The following CDH18 variants were observed in gnomAD, a reference collection of about 807,000 sequenced individuals.
CDH18 encodes cadherin 18.
A neutral mutation model predicts 67.9 loss-of-function variants in CDH18; 31 were observed. The observed-to-expected ratio is 0.46, with a 90% CI of 0.34 to 0.62. The LOEUF is 0.62. CDH18 is among the 20% of genes least tolerant of loss of function. The pLI is 0.01. For synonymous variants in CDH18, 362 were observed against 347.2 expected (o/e 1.04, Z -0.48); for missense variants, 890 against 975.5 (o/e 0.91, Z 1.17).
chr5:19,861,077 T>C (rs1296601293), intron 2 of CDH18, among the ~76,000 whole-genome samples: 16 of 152,184 alleles, frequency 1.1e-4, no homozygotes, highest in Admixed American at 9.8e-4. Flanking sequence ...AAACAAAGTA[T>C]ACTATCTTAC....
At chr5:20,322,818 GAA>G (rs1399558588) in intron 1 of CDH18, among the ~76,000 whole-genome samples, 1 of 152,108 alleles carries the variant, frequency 6.6e-6, no homozygotes, top group African/African-American at 2.4e-5. Flanking sequence ...TCTTCATAAA[GAA>G]ATGTGTTATG....
chr5:19,562,370 T>G (rs393094), intron 8 of CDH18, among the ~76,000 whole-genome samples: 2 of 152,054 alleles, frequency 1.3e-5, no homozygotes, highest in East Asian at 3.9e-4. Context: ...TTTGCTGTTA[T>G]AACATCCAAA....
chr5:20,358,202 A>G (rs1323182273), intron 1 of CDH18, among the ~76,000 whole-genome samples: 2 of 152,230 alleles, frequency 1.3e-5, no homozygotes, highest in Non-Finnish European at 2.9e-5. Context: ...CCTGTTGGGT[A>G]CTATGCCCAC....
chr5:20,444,388 A>T (rs1405415480), intron 1 of CDH18, among the ~76,000 whole-genome samples: 1 of 152,128 alleles, frequency 6.6e-6, no homozygotes, highest in East Asian at 1.9e-4. Flanking sequence ...ACTGAGTTAC[A>T]TGTTGGGTGT....
intron 2 of CDH18, among the ~76,000 whole-genome samples, chr5:20,095,572 G>A (rs1745911747): frequency 8.2e-6 from 1 of 121,880 alleles, no homozygotes; most frequent in African/African-American, 3.2e-5. Context: ...AGGAAAGAAA[G>A]GAAGAAAGGA....
At chr5:20,341,268 A>G (rs1011504987) in intron 1 of CDH18, among the ~76,000 whole-genome samples, 1 of 152,122 alleles carries the variant, frequency 6.6e-6, no homozygotes, top group African/African-American at 2.4e-5. Context: ...GGTGAGCACC[A>G]TCAAATCAGC....
At chr5:19,655,566 T>C (rs1756243248) in intron 5 of CDH18, among the ~76,000 whole-genome samples, 1 of 152,100 alleles carries the variant, frequency 6.6e-6, no homozygotes, top group Non-Finnish European at 1.5e-5. Flanking sequence ...CCTGTTGTCA[T>C]ATTTGTCAAT....
intron 2 of CDH18, among the ~76,000 whole-genome samples, chr5:19,958,038 A>G (rs1796422869): frequency 1.3e-5 from 2 of 152,040 alleles, no homozygotes; most frequent in Middle Eastern, 6.8e-3. Flanking sequence ...CAAATAAACT[A>G]CCATTTTCAC....
intron 6 of CDH18, among the ~76,000 whole-genome samples, chr5:19,606,959 C>T (rs1222943464): frequency 1.3e-5 from 2 of 151,474 alleles, no homozygotes; most frequent in African/African-American, 2.4e-5. Flanking sequence ...AACTATTGTA[C>T]AGTAAAGGAA....
At chr5:19,886,559 C>T (rs575316333) in intron 2 of CDH18, among the ~76,000 whole-genome samples, 1 of 152,050 alleles carries the variant, frequency 6.6e-6, no homozygotes, top group Non-Finnish European at 1.5e-5. Context: ...GCTGTGTTTC[C>T]TCGCAATCAA....
At chr5:20,418,487 C>T (rs930680046) in intron 1 of CDH18, among the ~76,000 whole-genome samples, 8 of 151,720 alleles carry the variant, frequency 5.3e-5, no homozygotes. Flanking sequence ...CACACTGTAA[C>T]CCTGCATACC....
At chr5:19,646,784 A>T (rs1754809954) in intron 5 of CDH18, among the ~76,000 whole-genome samples, 1 of 152,208 alleles carries the variant, frequency 6.6e-6, no homozygotes, top group African/African-American at 2.4e-5. Context: ...AGCAATGCTA[A>T]TACAGGGGAT....
intron 2 of CDH18, among the ~76,000 whole-genome samples, chr5:20,104,759 T>A (rs1016637968): frequency 2.6e-5 from 4 of 152,056 alleles, no homozygotes; most frequent in African/African-American, 9.7e-5. Context: ...AGATCTTTAT[T>A]CTAATGCTAC....
chr5:20,172,862 T>C (rs1256261917), intron 2 of CDH18, among the ~76,000 whole-genome samples: 2 of 151,630 alleles, frequency 1.3e-5, no homozygotes, highest in African/African-American at 4.8e-5. Context: ...TGGTGGCACA[T>C]GCCTGTAATC....
At chr5:20,172,202 A>ACGTATATG (rs372430630) in intron 2 of CDH18, among the ~76,000 whole-genome samples, 2 of 46,050 alleles carry the variant, frequency 4.3e-5, no homozygotes, top group African/African-American at 2.5e-4. Context: ...ATATATATAT[A>ACGTATATG]TATATATATA....
rs187153227 is a variant in CDH18, at chr5:20,128,749, C to T, written c.-518+126695G>A. ...TTTTGTTAGTGATTGCTCTTACATT[C>T]GTGTATTGACTTAAAGAAAATTTAA... On this transcript the variant is annotated intron_variant, in intron 2 of 14. Transcript: ENST00000507958. Among the ~76,000 whole-genome samples, 42 of 152,046 alleles carry T rather than the reference C, an allele frequency of 2.8e-4. 1 individual carries two copies. Among genetic ancestry groups the T allele is most frequent in the African/African-American group, 8.4e-4 (35 of 41,440 alleles).
At chr5:20,305,729 G>C (rs528654542) in intron 1 of CDH18, 16 of 373,682 alleles carry the variant, frequency 4.3e-5, no homozygotes, top group Non-Finnish European at 7.4e-5. Flanking sequence ...GCCGGAGACC[G>C]CTGTGGGAAC....
intron 1 of CDH18, among the ~76,000 whole-genome samples, chr5:20,394,722 A>C (rs976754843): frequency 6.6e-6 from 1 of 152,128 alleles, no homozygotes; most frequent in African/African-American, 2.4e-5. Flanking sequence ...CAAATAACTC[A>C]AACATATCAG....
At chr5:20,250,663 T>C (rs914285448) in intron 2 of CDH18, among the ~76,000 whole-genome samples, 2 of 131,652 alleles carry the variant, frequency 1.5e-5, no homozygotes, top group African/African-American at 5.8e-5. Flanking sequence ...AGTGCAGTGG[T>C]GCCATCTTGC....
Sources: allele counts gnomAD v4.1 joint callset (sites outside exome capture counted in the v4.1 genomes callset), GRCh38; gene constraint gnomAD v4.1.1; transcripts MANE v1.5; gene names NCBI Gene and HGNC (gene_info 2026-07-23, HGNC 2026-07-21).